STXBP5L: variants seen among roughly 807,000 people sequenced by gnomAD.
The protein encoded by STXBP5L is syntaxin binding protein 5L.
In STXBP5L, 65 loss-of-function variants were observed where a neutral mutation model predicts 144.5. That is an observed-to-expected ratio of 0.45 (90% CI 0.37 to 0.55). The LOEUF is 0.55. Among genes scored for constraint, STXBP5L ranks in the 20% least tolerant of loss-of-function variants. The probability of loss-of-function intolerance (pLI) is 0.00; values close to 1 mark genes in which losing one functional copy is unlikely to be tolerated. For synonymous variants in STXBP5L, 505 were observed against 469.6 expected (o/e 1.08, Z -0.97); for missense variants, 1,298 against 1,405.5 (o/e 0.92, Z 1.22).
chr3:121,388,691 C>T (rs998159137), intron 22 of STXBP5L, among the ~76,000 whole-genome samples: 3 of 152,116 alleles, frequency 2.0e-5, no homozygotes, highest in South Asian at 4.1e-4. Flanking sequence ...GTGATGGGTA[C>T]GTTTATTGAT....
intron 10 of STXBP5L, among the ~76,000 whole-genome samples, chr3:121,208,070 C>A (rs956108012): frequency 2.6e-5 from 4 of 152,156 alleles, no homozygotes; most frequent in Non-Finnish European, 4.4e-5. Flanking sequence ...ATAGTAAAGA[C>A]TTGGAACCAA....
intron 3 of STXBP5L, among the ~76,000 whole-genome samples, chr3:120,974,507 A>G (rs886291876): frequency 6.6e-6 from 1 of 151,146 alleles, no homozygotes; most frequent in Non-Finnish European, 1.5e-5. Flanking sequence ...GTTCACTCTG[A>G]TGGTATTTTC....
At chr3:121,418,911 C>T in intron 26 of STXBP5L, 145 bp from the exon 27 acceptor site, 2 of 811,794 alleles carry the variant, frequency 2.5e-6, no homozygotes, top group Non-Finnish European at 3.8e-6. Flanking sequence ...TTCTCATATG[C>T]ACTTTATTTC....
chr3:121,285,967 G>A (rs1386622827), intron 19 of STXBP5L, among the ~76,000 whole-genome samples: 4 of 151,946 alleles, frequency 2.6e-5, no homozygotes, highest in African/African-American at 7.2e-5. Flanking sequence ...TATGGAATAC[G>A]TAGAACTAAA....
rs1222869730 is a variant in STXBP5L, at chr3:121,114,937, T to C, written c.483T>C (p.Cys161=). Residue 161 remains cysteine, a synonymous_variant, in exon 6 of 27, where the codon TGT becomes TGC. Coordinates refer to ENST00000471454, the MANE Select transcript of STXBP5L (RefSeq NM_001308330.2). ...LKFNRERITY[C]HLPFQSKWLY... ...TTCTTTCTTTCAGAATTACTTACTG[T>C]CATCTACCTTTCCAGAGTAAATGGC... is the stretch of plus-strand genomic sequence containing the variant. The C allele has an allele frequency of 6.4e-7, 1 of 1,552,020 alleles. No individual in the cohort carries two copies. Among genetic ancestry groups the C allele is most frequent in the African/African-American group, 1.4e-5 (1 of 72,220 alleles).
chr3:121,129,673 A>G (rs755765143), intron 7 of STXBP5L, among the ~76,000 whole-genome samples: 1 of 152,088 alleles, frequency 6.6e-6, no homozygotes, highest in East Asian at 1.9e-4. Context: ...CTCCAGGACT[A>G]TGTTATTTTT....
chr3:121,337,299 CAA>C (rs2044540689), intron 20 of STXBP5L, among the ~76,000 whole-genome samples: 1 of 151,930 alleles, frequency 6.6e-6, no homozygotes, highest in South Asian at 2.1e-4. Context: ...CAGCTCTCTT[CAA>C]GAGACTCATC....
At chr3:120,965,154 A>G (rs2107762682) in intron 3 of STXBP5L, among the ~76,000 whole-genome samples, 1 of 151,648 alleles carries the variant, frequency 6.6e-6, no homozygotes, top group Non-Finnish European at 1.5e-5. Context: ...CCATCTCTTT[A>G]TTTTGAGCCT....
chr3:121,185,952 T>G (rs9681088), intron 9 of STXBP5L, among the ~76,000 whole-genome samples: 15,101 of 152,244 alleles, frequency 0.099, 1,182 homozygotes, highest in Admixed American at 0.2. Flanking sequence ...TTCCATTTGT[T>G]TGTATCCTCT....
chr3:121,243,064 C>T (rs951146759), intron 14 of STXBP5L, among the ~76,000 whole-genome samples: 2 of 152,146 alleles, frequency 1.3e-5, no homozygotes, highest in African/African-American at 2.4e-5. Context: ...AAAAGTGCAA[C>T]TCATGGCTTC....
At chr3:121,353,812 G>A (rs192781754) in intron 20 of STXBP5L, among the ~76,000 whole-genome samples, 1 of 152,030 alleles carries the variant, frequency 6.6e-6, no homozygotes, top group Non-Finnish European at 1.5e-5. Context: ...TTTCTCTTGT[G>A]GACATTTAGT....
At chr3:120,909,118 T>C (rs972607608) in intron 1 of STXBP5L, 8 of 152,744 alleles carry the variant, frequency 5.2e-5, no homozygotes, top group Admixed American at 3.9e-4. Context: ...ACGTCGTTTT[T>C]CTGAAAATAA....
intron 3 of STXBP5L, among the ~76,000 whole-genome samples, chr3:120,981,297 T>C (rs9871403): frequency 6.6e-6 from 1 of 151,984 alleles, no homozygotes; most frequent in Non-Finnish European, 1.5e-5. Flanking sequence ...TCAATTTTTT[T>C]AATACTTTTT....
At chr3:121,021,370 G>A (rs1199591546) in intron 3 of STXBP5L, among the ~76,000 whole-genome samples, 1 of 152,102 alleles carries the variant, frequency 6.6e-6, no homozygotes, top group Non-Finnish European at 1.5e-5. Context: ...AAGTCGGAAA[G>A]TGAACAAAGA....
chr3:121,283,049 T>G lies in STXBP5L; in HGVS notation c.2110+3093T>G, dbSNP rs2051113573. On this transcript the variant is annotated intron_variant, in intron 19 of 26. Coordinates refer to ENST00000471454, the MANE Select transcript of STXBP5L (RefSeq NM_001308330.2). Reference sequence around the variant, plus strand: ...GAGGTACAGATGAGACTAGTGATTTTATCGGTAAATATTTATTGACATAAA... The same window carrying G: ...GAGGTACAGATGAGACTAGTGATTTGATCGGTAAATATTTATTGACATAAA... Among the ~76,000 whole-genome samples, 4 of 151,996 alleles carry G rather than the reference T, an allele frequency of 2.6e-5. No homozygotes were observed. The South Asian group carries it at 8.3e-4, about 31-fold the overall frequency.
chr3:121,170,432 A>T (rs567501609), intron 9 of STXBP5L, among the ~76,000 whole-genome samples: 10 of 151,408 alleles, frequency 6.6e-5, no homozygotes, highest in Non-Finnish European at 1.3e-4. Flanking sequence ...ACATCAACAA[A>T]ATAGACCGCT....
intron 8 of STXBP5L, among the ~76,000 whole-genome samples, chr3:121,155,861 G>A (rs2046094529): frequency 6.6e-6 from 1 of 151,812 alleles, no homozygotes; most frequent in Admixed American, 6.6e-5. Context: ...GTCCTCTCCA[G>A]TAGATAGAAA....
chr3:120,961,957 A>G (rs983543766), intron 3 of STXBP5L, among the ~76,000 whole-genome samples: 1 of 152,144 alleles, frequency 6.6e-6, no homozygotes, highest in Non-Finnish European at 1.5e-5. Context: ...CTTTTTAATG[A>G]TTGCCATTCC....
At chr3:121,312,761 G>A (rs1166843429) in intron 19 of STXBP5L, among the ~76,000 whole-genome samples, 1 of 151,876 alleles carries the variant, frequency 6.6e-6, no homozygotes, top group South Asian at 2.1e-4. Flanking sequence ...ATGTTTCAGA[G>A]AGCACAGGGT....
Sources: allele counts gnomAD v4.1 joint callset (sites outside exome capture counted in the v4.1 genomes callset), GRCh38; gene constraint gnomAD v4.1.1; transcripts MANE v1.5; gene names NCBI Gene and HGNC (gene_info 2026-07-23, HGNC 2026-07-21).